The following SLIT2 variants were observed in gnomAD, a reference collection of about 807,000 sequenced individuals.
The protein encoded by SLIT2 is slit guidance ligand 2.
Under a neutral mutation model 185.7 loss-of-function variants are expected in SLIT2, and 41 were observed. The observed-to-expected ratio is 0.22, with a 90% CI of 0.17 to 0.29. The LOEUF (loss-of-function observed/expected upper bound fraction) is 0.29. Ranked by LOEUF, SLIT2 falls within the 10% of genes least tolerant of loss-of-function variation. The pLI, the probability that SLIT2 is intolerant of heterozygous loss-of-function variation, is 1.00. For synonymous variants in SLIT2, 693 were observed against 680.2 expected, an observed-to-expected ratio of 1.02 and a Z score of -0.29; for missense variants, 1,571 against 1,909.0, an observed-to-expected ratio of 0.82 and a Z score of 3.30.
At chr4:20,406,123 A>T (rs1196011173) in intron 4 of SLIT2, among the ~76,000 whole-genome samples, 1 of 144,048 alleles carries the variant, frequency 6.9e-6, no homozygotes, top group Non-Finnish European at 1.5e-5. Flanking sequence ...AAACAACTGA[A>T]TCTTCCTCTT....
chr4:20,464,999 C>T (rs1714181919), intron 4 of SLIT2, among the ~76,000 whole-genome samples: 1 of 152,176 alleles, frequency 6.6e-6, no homozygotes, highest in African/African-American at 2.4e-5. Context: ...ATTGCAATAA[C>T]TGCTAACCTT....
At chr4:20,354,954 G>T (rs1399022147) in intron 4 of SLIT2, among the ~76,000 whole-genome samples, 2 of 149,720 alleles carry the variant, frequency 1.3e-5, no homozygotes, top group Admixed American at 1.3e-4. Context: ...AGAAGCAAGG[G>T]CAAGAAAAAA....
chr4:20,472,386 G>GATCTATATATATCTATATCTATATATA (rs1560453735), intron 5 of SLIT2, among the ~76,000 whole-genome samples: 1 of 38,394 alleles, frequency 2.6e-5, no homozygotes, highest in Non-Finnish European at 3.9e-5. Flanking sequence ...CTATATATAT[G>GATCTATATATATCTATATCTATATATA]TAGATATATA....
At chr4:20,350,494 G>C (rs1271970290) in intron 4 of SLIT2, among the ~76,000 whole-genome samples, 1 of 152,078 alleles carries the variant, frequency 6.6e-6, no homozygotes, top group Non-Finnish European at 1.5e-5. Flanking sequence ...CATCTCATAA[G>C]ATCCCGCATC....
At chr4:20,575,591 G>A (rs1328505489) in intron 29 of SLIT2, among the ~76,000 whole-genome samples, 2 of 152,106 alleles carry the variant, frequency 1.3e-5, no homozygotes, top group African/African-American at 4.8e-5. Context: ...CTCTGCTGGA[G>A]CCTGTCCCTT....
intron 4 of SLIT2, among the ~76,000 whole-genome samples, chr4:20,407,183 G>C (rs1043899092): frequency 6.6e-6 from 1 of 152,124 alleles, no homozygotes; most frequent in Non-Finnish European, 1.5e-5. Flanking sequence ...GGAGTTGCTA[G>C]TAATGTTTTG....
chr4:20,371,517 C>T (rs540300279), intron 4 of SLIT2, among the ~76,000 whole-genome samples: 44 of 152,150 alleles, frequency 2.9e-4, no homozygotes, highest in African/African-American at 1.0e-3. Context: ...GTCCTGGGGC[C>T]GCTCTGCTCT....
intron 26 of SLIT2, among the ~76,000 whole-genome samples, chr4:20,565,969 A>G: frequency 6.6e-6 from 1 of 152,018 alleles, no homozygotes; most frequent in East Asian, 1.9e-4. Context: ...AGATACAATG[A>G]ATCTCTGTGG....
chr4:20,585,870 A>G (rs1265613041), intron 29 of SLIT2, among the ~76,000 whole-genome samples: 1 of 152,198 alleles, frequency 6.6e-6, no homozygotes, highest in African/African-American at 2.4e-5. Context: ...TACACTTAAA[A>G]TAAAAACCAA....
intron 21 of SLIT2, 138 bp downstream of exon 21, chr4:20,542,764 A>G: frequency 1.1e-6 from 1 of 933,086 alleles, no homozygotes; most frequent in Non-Finnish European, 1.6e-6. Flanking sequence ...ATCCTGTAAA[A>G]TGGTAAATAA....
In SLIT2 at chr4:20,618,986, G is replaced by A. The variant is rs773066799; in HGVS notation, c.4567G>A (p.Gly1523Ser). ...VDEVEKVVKC[G>S]CTRCVS ...CGAGGTTGAGAAAGTGGTGAAGTGC[G>A]GCTGTACGAGGTGTGTGTCCTAAAC... Residue 1523 changes from glycine to serine, a missense_variant, in exon 37 of 37, where the codon GGC becomes AGC. Transcript: ENST00000504154. The A allele has an allele frequency of 1.8e-5, 29 of 1,613,858 alleles. No individual in the cohort carries two copies. The highest frequency in any genetic ancestry group is 2.7e-5 in the African/African-American group (2 of 74,882).
In SLIT2 at chr4:20,472,517, T is replaced by TAG. The variant is rs1715510372; in HGVS notation, c.467+4695_467+4696insGA. ...AGATATATATCTATATATAGATAGATATATATCTATATATAGATATATCTA... is the reference window on the plus strand; with the variant it reads ...AGATATATATCTATATATAGATAGATAGATATATCTATATATAGATATATCTA... On this transcript the variant is annotated intron_variant, in intron 5 of 36. Coordinates refer to ENST00000504154, the MANE Select transcript of SLIT2 (RefSeq NM_004787.4). Among the ~76,000 whole-genome samples the TAG allele has an allele frequency of 3.4e-4, 7 of 20,412 alleles. 2 individuals are homozygous for TAG. Among genetic ancestry groups the TAG allele is most frequent in the African/African-American group, 6.2e-4 (2 of 3,230 alleles). 13.4% of individuals were successfully genotyped at this position (20,412 alleles called of 152,430 possible). A position where few individuals can be genotyped will look rare whatever the true frequency, so the allele number is the denominator to read the frequency against.
chr4:20,567,222 G>A, intron 26 of SLIT2, 40 bp from the exon 27 acceptor site: 1 of 1,566,954 alleles, frequency 6.4e-7, no homozygotes, highest in Non-Finnish European at 8.7e-7. Context: ...AAGTAAACTG[G>A]AAGAGCGTCA....
chr4:20,523,022 TGG>T (rs1720970085), intron 12 of SLIT2, among the ~76,000 whole-genome samples: 1 of 151,920 alleles, frequency 6.6e-6, no homozygotes. Context: ...TGCTAGGGGT[TGG>T]GAAGGGGTCA....
chr4:20,406,544 T>G (rs111655096), intron 4 of SLIT2, among the ~76,000 whole-genome samples: 2,478 of 143,832 alleles, frequency 0.017, 205 homozygotes, highest in African/African-American at 0.039. Flanking sequence ...ATAAATACAT[T>G]AAAAAGTGCT....
At chr4:20,308,242 A>G (rs1717764927) in intron 4 of SLIT2, among the ~76,000 whole-genome samples, 1 of 152,184 alleles carries the variant, frequency 6.6e-6, no homozygotes, top group Non-Finnish European at 1.5e-5. Context: ...ACGGGATGTC[A>G]TAGCTCACTT....
chr4:20,362,411 A>C (rs995641505), intron 4 of SLIT2, among the ~76,000 whole-genome samples: 1 of 152,040 alleles, frequency 6.6e-6, no homozygotes, highest in Non-Finnish European at 1.5e-5. Context: ...CATTGGTTCT[A>C]TGGACTGTGG....
rs143576140 is a variant in SLIT2, at chr4:20,557,626, T to A, written c.2725+3658T>A. On this transcript the variant is annotated intron_variant, in intron 26 of 36. Transcript: ENST00000504154. The stretch of plus-strand genomic sequence containing the variant: ...AGGAGAATGATGTTTATATGCCTGC[T>A]GATGCAATATCCATTCTGCAGCCCA... Among the ~76,000 whole-genome samples the A allele has an allele frequency of 2.6e-3, 403 of 152,212 alleles. 7 individuals are homozygous for A. Among genetic ancestry groups the A allele is most frequent in the African/African-American group, 9.1e-3 (377 of 41,476 alleles).
intron 3 of SLIT2, among the ~76,000 whole-genome samples, chr4:20,266,105 G>A (rs948751205): frequency 6.6e-6 from 1 of 151,134 alleles, no homozygotes; most frequent in Non-Finnish European, 1.5e-5. Context: ...CTTACACAGT[G>A]AATTAGAACA....
Sources: gnomAD v4.1 joint callset for allele counts (sites outside exome capture counted in the v4.1 genomes callset) on GRCh38, gnomAD v4.1.1 for gene constraint, MANE v1.5 for transcripts, NCBI Gene and HGNC (gene_info 2026-07-23, HGNC 2026-07-21) for gene names.